GABBR2: variants seen among roughly 807,000 people sequenced by gnomAD.
GABBR2 encodes gamma-aminobutyric acid type B receptor subunit 2, also known as G-protein coupled receptor 51.
Under a neutral mutation model 105.6 loss-of-function variants are expected in GABBR2, and 23 were observed. The ratio of observed to expected loss-of-function variants is 0.22; its 90% CI spans 0.16 to 0.31. The LOEUF (loss-of-function observed/expected upper bound fraction) is 0.31, where lower values mean the gene tolerates loss of function less well. GABBR2 is among the 10% of genes least tolerant of loss of function. The pLI is 1.00. For missense variants in GABBR2, 734 were observed against 1,245.5 expected (o/e 0.59, Z 6.18); for synonymous variants, 478 against 499.7 (o/e 0.96, Z 0.58).
intron 7 of GABBR2, among the ~76,000 whole-genome samples, chr9:98,426,133 C>G (rs1174321865): frequency 6.6e-6 from 1 of 152,188 alleles, no homozygotes; most frequent in Non-Finnish European, 1.5e-5. Flanking sequence ...GAAGTGTAGA[C>G]ACTTTGTCAG....
intron 6 of GABBR2, among the ~76,000 whole-genome samples, chr9:98,456,225 G>A (rs1826323960): frequency 6.6e-6 from 1 of 152,062 alleles, no homozygotes; most frequent in Non-Finnish European, 1.5e-5. Context: ...AACCTTTTGG[G>A]TCCCTTGATC....
chr9:98,692,254 GGT>G, intron 1 of GABBR2, among the ~76,000 whole-genome samples: 1 of 152,258 alleles, frequency 6.6e-6, no homozygotes, highest in South Asian at 2.1e-4. Context: ...GCAGGAGGCA[GGT>G]GCTCCAAGCT....
chr9:98,395,767 A>G (rs1472051989), intron 8 of GABBR2, among the ~76,000 whole-genome samples: 1 of 151,834 alleles, frequency 6.6e-6, no homozygotes, highest in Non-Finnish European at 1.5e-5. Context: ...AAGCAGATTT[A>G]GGGAAAGGTT....
intron 13 of GABBR2, among the ~76,000 whole-genome samples, chr9:98,347,883 A>G (rs902250385): frequency 6.6e-6 from 1 of 152,156 alleles, no homozygotes; most frequent in African/African-American, 2.4e-5. Context: ...AATTTCCCCC[A>G]TACTATTCTT....
At chr9:98,349,555 C>T (rs763326538) in intron 13 of GABBR2, among the ~76,000 whole-genome samples, 25 of 151,776 alleles carry the variant, frequency 1.6e-4, no homozygotes, top group Non-Finnish European at 2.4e-4. Flanking sequence ...GGGGTTTCAC[C>T]GTGTTGGTCA....
At chr9:98,691,297 G>A (rs767780580) in intron 1 of GABBR2, among the ~76,000 whole-genome samples, 2 of 152,168 alleles carry the variant, frequency 1.3e-5, no homozygotes, top group Non-Finnish European at 2.9e-5. Flanking sequence ...AACCCTGCAA[G>A]GCAGGTAAAC....
At chr9:98,562,789 G>C (rs986292089) in intron 2 of GABBR2, among the ~76,000 whole-genome samples, 7 of 152,140 alleles carry the variant, frequency 4.6e-5, no homozygotes, top group Non-Finnish European at 7.3e-5. Flanking sequence ...AGCAGCAAAT[G>C]CTGGGCATTG....
chr9:98,396,570 A>T (rs1176234757), intron 8 of GABBR2, among the ~76,000 whole-genome samples: 1 of 152,124 alleles, frequency 6.6e-6, no homozygotes, highest in Non-Finnish European at 1.5e-5. Context: ...TACCTGGGTC[A>T]CCCGGCCCCT....
intron 17 of GABBR2, among the ~76,000 whole-genome samples, chr9:98,296,614 C>A (rs1044275626): frequency 2.6e-5 from 4 of 152,206 alleles, no homozygotes; most frequent in Admixed American, 6.5e-5. Flanking sequence ...ATTTAATTTG[C>A]ATTCCTTTAA....
At chr9:98,444,868 TGC>T (rs201464357) in intron 7 of GABBR2, among the ~76,000 whole-genome samples, 5 of 115,174 alleles carry the variant, frequency 4.3e-5, no homozygotes, top group Non-Finnish European at 9.4e-5. Context: ...CATATGCACA[TGC>T]GCGCGCGCGC....
chr9:98,674,928 C>G (rs1830455125), intron 1 of GABBR2, among the ~76,000 whole-genome samples: 1 of 152,184 alleles, frequency 6.6e-6, no homozygotes, highest in African/African-American at 2.4e-5. Context: ...CCTCCCTAGG[C>G]TTCAGTGGCA....
intron 2 of GABBR2, among the ~76,000 whole-genome samples, chr9:98,554,806 T>C (rs572275375): frequency 6.6e-6 from 1 of 152,224 alleles, no homozygotes; most frequent in East Asian, 1.9e-4. Context: ...GGAAAACAAC[T>C]ATTAGTTCCG....
At chr9:98,362,236 T>C (rs1831598073) in intron 13 of GABBR2, among the ~76,000 whole-genome samples, 1 of 152,214 alleles carries the variant, frequency 6.6e-6, no homozygotes, top group Admixed American at 6.5e-5. Context: ...AAAATATATT[T>C]AACAGTACTT....
chr9:98,391,068 A>G (rs1167346244), intron 9 of GABBR2, among the ~76,000 whole-genome samples: 3 of 152,034 alleles, frequency 2.0e-5, no homozygotes, highest in Non-Finnish European at 4.4e-5. Context: ...ATTGCCATTC[A>G]CTCATTCATT....
intron 9 of GABBR2, among the ~76,000 whole-genome samples, chr9:98,390,402 A>G (rs903359091): frequency 2.7e-5 from 4 of 145,496 alleles, no homozygotes; most frequent in Admixed American, 6.8e-5. Context: ...AAAAAAAAAA[A>G]TAGAGAGCGA....
intron 1 of GABBR2, among the ~76,000 whole-genome samples, chr9:98,666,748 G>C (rs1445738076): frequency 6.6e-6 from 1 of 152,204 alleles, no homozygotes; most frequent in Non-Finnish European, 1.5e-5. Flanking sequence ...GAGGGCCTGA[G>C]CAACAGAGAG....
intron 1 of GABBR2, among the ~76,000 whole-genome samples, chr9:98,595,319 G>C (rs2131799382): frequency 6.6e-6 from 1 of 151,936 alleles, no homozygotes; most frequent in Admixed American, 6.5e-5. Flanking sequence ...CCTTCCCAAA[G>C]GCCCTACCTC....
In GABBR2 at chr9:98,388,617, CTCTGTG is replaced by C. The variant is rs1343663029; in HGVS notation, c.1529+231_1529+236del. On this transcript the variant is annotated intron_variant, in intron 10 of 18. Coordinates refer to ENST00000259455, the MANE Select transcript of GABBR2 (RefSeq NM_005458.8). The surrounding 1 kb of genome is among the most constrained non-coding windows in gnomAD (Gnocchi z 4.4). Reference sequence around the variant, plus strand: ...ACTCCTGTGCAACCAGCAGCCTGGCCTCTGTGTGTGTGTGTGTGTGTGTGTGTGTGT... The same window carrying C: ...ACTCCTGTGCAACCAGCAGCCTGGCCTGTGTGTGTGTGTGTGTGTGTGTGT... Among the ~76,000 whole-genome samples, 1 of 124,048 alleles carries C rather than the reference CTCTGTG, an allele frequency of 8.1e-6. No homozygotes were observed. The highest frequency in any genetic ancestry group is 1.6e-5 in the Non-Finnish European group (1 of 61,776). 81.4% of individuals were successfully genotyped at this position (124,048 alleles called of 152,430 possible).
intron 3 of GABBR2, among the ~76,000 whole-genome samples, chr9:98,535,881 C>T (rs1828168633): frequency 6.6e-6 from 1 of 152,130 alleles, no homozygotes; most frequent in Non-Finnish European, 1.5e-5. Flanking sequence ...GGTGAAAATA[C>T]TCTAATGATA....
Sources: gnomAD v4.1 joint callset for allele counts (sites outside exome capture counted in the v4.1 genomes callset) on GRCh38, gnomAD v4.1.1 for gene constraint, Gnocchi (gnomAD v3.1) non-coding constraint, MANE v1.5 for transcripts, NCBI Gene and HGNC (gene_info 2026-07-23, HGNC 2026-07-21) for gene names.